FOXN3: variants seen among roughly 807,000 people sequenced by gnomAD.
The protein encoded by FOXN3 is forkhead box protein N3.
A neutral mutation model predicts 38.4 loss-of-function variants in FOXN3; 7 were observed. The ratio of observed to expected loss-of-function variants is 0.18; its 90% CI spans 0.10 to 0.34. The LOEUF (loss-of-function observed/expected upper bound fraction) is 0.34. FOXN3 is among the 10% of genes least tolerant of loss of function. FOXN3 has a pLI of 1.00. For synonymous variants in FOXN3, 230 were observed against 242.2 expected (o/e 0.95, Z 0.47); for missense variants, 456 against 613.4 (o/e 0.74, Z 2.71).
chr14:89,338,573 C>T (rs12879028), intron 3 of FOXN3, among the ~76,000 whole-genome samples: 29,575 of 152,196 alleles, frequency 0.19, 3,320 homozygotes, highest in South Asian at 0.36. Flanking sequence ...GTGGGTAGAT[C>T]ATCTGAGGTC....
chr14:89,200,950 T>G (rs1316311608), intron 4 of FOXN3, among the ~76,000 whole-genome samples: 2 of 152,180 alleles, frequency 1.3e-5, no homozygotes, highest in African/African-American at 4.8e-5. Flanking sequence ...ACTTCTAGAT[T>G]TGAAGCCCAG....
At chr14:89,611,623 G>T (rs563110953) in intron 1 of FOXN3, among the ~76,000 whole-genome samples, 2 of 152,030 alleles carry the variant, frequency 1.3e-5, no homozygotes, top group Admixed American at 6.5e-5. Flanking sequence ...TGGTTAACAC[G>T]GTGAAACCCC....
intron 1 of FOXN3, among the ~76,000 whole-genome samples, chr14:89,507,056 T>A (rs1596301763): frequency 6.8e-6 from 1 of 147,574 alleles, no homozygotes; most frequent in Non-Finnish European, 1.5e-5. Context: ...CTGCTGACCT[T>A]CCCTCCACTA....
chr14:89,518,406 C>G (rs1156392592), intron 1 of FOXN3, among the ~76,000 whole-genome samples: 1 of 152,200 alleles, frequency 6.6e-6, no homozygotes, highest in East Asian at 1.9e-4. Context: ...CCTGGCAAGA[C>G]TGATTGGAGG....
chr14:89,267,216 C>T (rs1283266205), intron 4 of FOXN3, among the ~76,000 whole-genome samples: 9 of 152,108 alleles, frequency 5.9e-5, no homozygotes, highest in Admixed American at 1.3e-4. Flanking sequence ...TCAGGGTAGA[C>T]GGTACAATTT....
intron 1 of FOXN3, among the ~76,000 whole-genome samples, chr14:89,569,501 T>C (rs2139892538): frequency 6.6e-6 from 1 of 152,276 alleles, no homozygotes; most frequent in East Asian, 1.9e-4. Context: ...GAGCACTGTA[T>C]ACTGAACCAA....
At chr14:89,246,294 T>C (rs1213255153) in intron 4 of FOXN3, among the ~76,000 whole-genome samples, 1 of 152,190 alleles carries the variant, frequency 6.6e-6, no homozygotes, top group African/African-American at 2.4e-5. Context: ...TTTAATTGTG[T>C]TACATCTTTA....
intron 3 of FOXN3, among the ~76,000 whole-genome samples, chr14:89,323,594 C>A (rs904524881): frequency 5.3e-5 from 8 of 151,866 alleles, no homozygotes; most frequent in African/African-American, 1.9e-4. Flanking sequence ...TGGCACACGC[C>A]TGTAATCCCA....
At chr14:89,330,565 G>T (rs1446297509) in intron 3 of FOXN3, among the ~76,000 whole-genome samples, 1 of 152,218 alleles carries the variant, frequency 6.6e-6, no homozygotes, top group Non-Finnish European at 1.5e-5. Context: ...AAAGAGGGAA[G>T]AGTAAAGAGA....
intron 1 of FOXN3, among the ~76,000 whole-genome samples, chr14:89,469,834 T>C (rs1893054289): frequency 6.6e-6 from 1 of 152,250 alleles, no homozygotes; most frequent in Non-Finnish European, 1.5e-5. Context: ...GATCGTTCCA[T>C]GTACACGTCC....
intron 2 of FOXN3, among the ~76,000 whole-genome samples, chr14:89,391,877 T>C (rs1890957855): frequency 6.6e-6 from 1 of 152,148 alleles, no homozygotes; most frequent in African/African-American, 2.4e-5. Context: ...CATGGCGGCA[T>C]GTGCCCATAT....
intron 1 of FOXN3, among the ~76,000 whole-genome samples, chr14:89,557,029 T>C (rs1405247181): frequency 6.6e-6 from 1 of 152,144 alleles, no homozygotes; most frequent in African/African-American, 2.4e-5. Context: ...AGTGTGGCAG[T>C]AGTTTAGTTA....
intron 3 of FOXN3, among the ~76,000 whole-genome samples, chr14:89,292,869 C>T (rs933129158): frequency 2.6e-5 from 4 of 152,216 alleles, no homozygotes; most frequent in African/African-American, 9.7e-5. Context: ...CATGCACTCA[C>T]ATGAGAAGCC....
At chr14:89,186,622 G>A (rs1254364879) in intron 4 of FOXN3, among the ~76,000 whole-genome samples, 1 of 152,186 alleles carries the variant, frequency 6.6e-6, no homozygotes, top group East Asian at 1.9e-4. Flanking sequence ...CATGTCCCAT[G>A]CTGACTGTTC....
At chr14:89,527,195 CAG>C (rs1894451219) in intron 1 of FOXN3, among the ~76,000 whole-genome samples, 1 of 152,090 alleles carries the variant, frequency 6.6e-6, no homozygotes, top group Non-Finnish European at 1.5e-5. Context: ...AAAGAAAAAA[CAG>C]AACTTCAGTA....
intron 4 of FOXN3, among the ~76,000 whole-genome samples, chr14:89,269,479 TG>T (rs56288367): frequency 0.58 from 87,479 of 150,196 alleles, 25,654 homozygotes; most frequent in East Asian, 0.68. Context: ...CTTTTTGTTT[TG>T]TTTTGTTTTT....
intron 2 of FOXN3, among the ~76,000 whole-genome samples, chr14:89,362,794 T>A (rs1484382381): frequency 9.1e-5 from 5 of 54,886 alleles, no homozygotes; most frequent in African/African-American, 2.2e-4. Context: ...CACCACCATC[T>A]CCACCACCAC....
At chr14:89,421,274 C>T (rs561150649), upstream of FOXN3, among the ~76,000 whole-genome samples, 10 of 151,590 alleles carry the variant, frequency 6.6e-5, no homozygotes, top group Admixed American at 1.3e-4. Flanking sequence ...CCCAGCCTCC[C>T]GAGTAGCTGG....
intron 4 of FOXN3, among the ~76,000 whole-genome samples, chr14:89,208,782 T>C (rs901650866): frequency 6.6e-6 from 1 of 152,128 alleles, no homozygotes; most frequent in African/African-American, 2.4e-5. Flanking sequence ...TGATGAACAG[T>C]GTGAAAAAGA....
Sources: gnomAD v4.1 joint callset for allele counts (sites outside exome capture counted in the v4.1 genomes callset) on GRCh38, gnomAD v4.1.1 for gene constraint, MANE v1.5 for transcripts, NCBI Gene and HGNC (gene_info 2026-07-23, HGNC 2026-07-21) for gene names.